Variants in SPECC1L observed in about 807,000 individuals in gnomAD.
SPECC1L encodes the protein sperm antigen with calponin homology and coiled-coil domains 1 like, also known as cytospin-A.
In SPECC1L, 40 loss-of-function variants were observed where a neutral mutation model predicts 116.8. The observed-to-expected ratio is 0.34, with a 90% CI of 0.27 to 0.45. The LOEUF is 0.45. Ranked by LOEUF, SPECC1L falls within the 20% of genes least tolerant of loss-of-function variation. SPECC1L has a pLI of 1.00. For missense variants in SPECC1L, 1,110 were observed against 1,373.6 expected, an observed-to-expected ratio of 0.81 and a Z score of 3.03; for synonymous variants, 504 against 500.6, an observed-to-expected ratio of 1.01 and a Z score of -0.09.
chr22:24,286,048 G>A (rs565199039), intron 2 of SPECC1L, among the ~76,000 whole-genome samples: 1 of 152,230 alleles, frequency 6.6e-6, no homozygotes, highest in African/African-American at 2.4e-5. Flanking sequence ...CAGTAAATCA[G>A]ATTCGACAGG....
At chr22:24,370,383 G>C (rs1223694396) in intron 14 of SPECC1L, among the ~76,000 whole-genome samples, 1 of 152,186 alleles carries the variant, frequency 6.6e-6, no homozygotes, top group African/African-American at 2.4e-5. Flanking sequence ...TTTAAAAAAA[G>C]AATCTCCATG....
chr22:24,349,865 G>A (rs1258251945), intron 11 of SPECC1L, among the ~76,000 whole-genome samples: 1 of 152,162 alleles, frequency 6.6e-6, no homozygotes, highest in African/African-American at 2.4e-5. Flanking sequence ...CACCCTCAGT[G>A]TCTGTTCTTG....
chr22:24,347,193 A>C lies in SPECC1L; in HGVS notation c.2743+17A>C, dbSNP rs200199534. 3 of 1,584,680 alleles carry C rather than the reference A, an allele frequency of 1.9e-6. No individual in the cohort carries two copies. Among genetic ancestry groups the C allele is most frequent in the Non-Finnish European group, 2.6e-6 (3 of 1,153,218 alleles). On this transcript the variant is annotated intron_variant, in intron 11 of 16. Transcript: ENST00000314328. ...CTGTTCAAGGTACGTGTAATATGCC[A>C]TAGCATTTCACCTTTTTTTCAATTT...
chr22:24,316,913 C>CT (rs2040584848), intron 4 of SPECC1L, among the ~76,000 whole-genome samples: 2 of 118,018 alleles, frequency 1.7e-5, no homozygotes, highest in African/African-American at 3.1e-5. Context: ...GGGGGCTGAC[C>CT]CCCCCAACCT....
rs55783129 is a variant in SPECC1L at position 24,340,349 on chromosome 22, G to T, written c.2652+1872G>T. 7.4e-3 allele frequency among the ~76,000 whole-genome samples: 1,122 copies of T among 151,856 alleles called. 5 individuals are homozygous for T. Among genetic ancestry groups the T allele is most frequent in the South Asian group, 0.013 (61 of 4,806 alleles). On this transcript the variant is annotated intron_variant, in intron 10 of 16. Transcript: ENST00000314328. ...TTTTAGTAGAGACGGTTTTAACCAC[G>T]TTGGCCAAGCTGGTCTCAAATTCCT...
intron 3 of SPECC1L, among the ~76,000 whole-genome samples, chr22:24,305,293 G>T (rs2049469984): frequency 6.6e-6 from 1 of 152,180 alleles, no homozygotes; most frequent in Non-Finnish European, 1.5e-5. Context: ...CAGAACATAT[G>T]TGCCCCTCAG....
At chr22:24,339,929 C>CG (rs2041138146) in intron 10 of SPECC1L, among the ~76,000 whole-genome samples, 1 of 151,958 alleles carries the variant, frequency 6.6e-6, no homozygotes, top group African/African-American at 2.4e-5. Context: ...GGACCACAGG[C>CG]GTGCACCACC....
rs553569209 is a variant in SPECC1L at position 24,415,190 on chromosome 22, G to A, written c.*567G>A. The A allele has an allele frequency of 1.5e-4, 27 of 174,560 alleles. No individual in the cohort carries two copies. In the South Asian group the frequency reaches 3.6e-3, roughly 23 times the overall value. The allele number at this position is 174,560 out of a possible 1,614,324, so 10.8% of individuals were successfully genotyped here. On this transcript the variant is annotated 3_prime_UTR_variant, in exon 17 of 17. Coordinates refer to ENST00000314328, the MANE Select transcript of SPECC1L (RefSeq NM_015330.6). Reference sequence around the variant, plus strand: ...GCCCCACACCTGACGGGGCTGTCCCGGCCGACACAATCCAGGCGTGTTCAG... The same window carrying A: ...GCCCCACACCTGACGGGGCTGTCCCAGCCGACACAATCCAGGCGTGTTCAG...
At chr22:24,396,495 A>C (rs1284649605) in intron 14 of SPECC1L, among the ~76,000 whole-genome samples, 5 of 152,018 alleles carry the variant, frequency 3.3e-5, no homozygotes, top group African/African-American at 1.2e-4. Context: ...ACAGAGTTTC[A>C]CCATGTTGAT....
chr22:24,282,123 A>G (rs1453094739), intron 2 of SPECC1L, among the ~76,000 whole-genome samples: 11 of 152,092 alleles, frequency 7.2e-5, no homozygotes, highest in Admixed American at 4.6e-4. Context: ...GGGCCACAAG[A>G]TCAGATGAGC....
At chr22:24,326,582 TTA>T (rs372664780) in intron 6 of SPECC1L, among the ~76,000 whole-genome samples, 39 of 152,346 alleles carry the variant, frequency 2.6e-4, no homozygotes, top group African/African-American at 9.1e-4. Context: ...AATCTTTTGC[TTA>T]TGAAGTCATC....
At chr22:24,293,330 G>A (rs915810959) in intron 2 of SPECC1L, among the ~76,000 whole-genome samples, 2 of 152,176 alleles carry the variant, frequency 1.3e-5, no homozygotes, top group Non-Finnish European at 2.9e-5. Context: ...GTACGCACCT[G>A]TAGTCCCAGC....
rs550214876 is a variant in SPECC1L at position 24,380,579 on chromosome 22, T to C, written c.3087+11259T>C. 3.3e-5 allele frequency among the ~76,000 whole-genome samples: 5 copies of C among 152,354 alleles called. No individual in the cohort carries two copies. The South Asian group carries it at 1.0e-3, about 32-fold the overall frequency. ...AATTACTGTGCTGATCACTGTAATTTCATTAAGCATCCATTACAAAACAAG... is the reference window on the plus strand; with the variant it reads ...AATTACTGTGCTGATCACTGTAATTCCATTAAGCATCCATTACAAAACAAG... On this transcript the variant is annotated intron_variant, in intron 14 of 16. Transcript: ENST00000314328.
At chr22:24,274,311 A>C (rs1273667846) in intron 1 of SPECC1L, among the ~76,000 whole-genome samples, 1 of 152,256 alleles carries the variant, frequency 6.6e-6, no homozygotes, top group Non-Finnish European at 1.5e-5. Flanking sequence ...CAAAGTGAAC[A>C]TAACAGATGA....
At chr22:24,366,355 G>A (rs895489475) in intron 13 of SPECC1L, among the ~76,000 whole-genome samples, 1 of 151,972 alleles carries the variant, frequency 6.6e-6, no homozygotes, top group African/African-American at 2.4e-5. Context: ...CACCTCGCCC[G>A]GCTAATTTTT....
At chr22:24,275,552 C>CT (rs78661499) in intron 1 of SPECC1L, among the ~76,000 whole-genome samples, 7,608 of 133,170 alleles carry the variant, frequency 0.057, 242 homozygotes, top group African/African-American at 0.09. Flanking sequence ...CACCTTTCAC[C>CT]TTTTTTTTTT....
intron 8 of SPECC1L, among the ~76,000 whole-genome samples, chr22:24,333,789 T>TA (rs1480196084): frequency 1.3e-5 from 2 of 152,168 alleles, no homozygotes; most frequent in Non-Finnish European, 2.9e-5. Context: ...GTCTCAGCTC[T>TA]GAGCCAGTCT....
intron 2 of SPECC1L, among the ~76,000 whole-genome samples, chr22:24,277,049 G>A (rs1246341015): frequency 2.0e-5 from 3 of 152,218 alleles, no homozygotes; most frequent in Non-Finnish European, 4.4e-5. Flanking sequence ...TGCAAATTCT[G>A]TTGAATCATT....
At chr22:24,309,258 A>G (rs1039307336) in intron 3 of SPECC1L, among the ~76,000 whole-genome samples, 1 of 152,116 alleles carries the variant, frequency 6.6e-6, no homozygotes, top group Admixed American at 6.5e-5. Context: ...GCCTTTCCAC[A>G]TCCTATAATT....
Sources: gnomAD v4.1 joint callset for allele counts (sites outside exome capture counted in the v4.1 genomes callset) on GRCh38, gnomAD v4.1.1 for gene constraint, MANE v1.5 for transcripts, NCBI Gene and HGNC (gene_info 2026-07-23, HGNC 2026-07-21) for gene names.